Variants in GNS observed in about 807,000 individuals in gnomAD.
GNS encodes glucosamine (N-acetyl)-6-sulfatase, also known as N-acetylglucosamine-6-sulfatase.
GNS carries 40 observed loss-of-function variants against 69.7 expected under a neutral mutation model. That is an observed-to-expected ratio of 0.57 (90% CI 0.45 to 0.75). The LOEUF is 0.75. Among genes scored for constraint, GNS ranks in the 30% least tolerant of loss-of-function variants. The pLI, the probability that GNS is intolerant of heterozygous loss-of-function variation, is 0.00. For missense variants in GNS, 565 were observed against 685.5 expected, an observed-to-expected ratio of 0.82 and a Z score of 1.96; for synonymous variants, 243 against 251.6, an observed-to-expected ratio of 0.97 and a Z score of 0.32.
chr12:64,723,844 C>G (rs1869109724), intron 10 of GNS, among the ~76,000 whole-genome samples: 1 of 152,140 alleles, frequency 6.6e-6, no homozygotes, highest in Admixed American at 6.5e-5. Flanking sequence ...GGTGGAGAGG[C>G]AGGCTGGTAC....
At chr12:64,752,957 A>G in intron 1 of GNS, 200 bp from the exon 2 acceptor site, 1 of 592,440 alleles carries the variant, frequency 1.7e-6, no homozygotes, top group Non-Finnish European at 3.0e-6. Context: ...AAGTGCAGGA[A>G]GTCAAAATGC....
chr12:64,734,504 G>A (rs541953175), intron 9 of GNS, among the ~76,000 whole-genome samples: 3 of 152,204 alleles, frequency 2.0e-5, no homozygotes, highest in African/African-American at 7.2e-5. Context: ...AAGAAGGCGC[G>A]AGATGGGCAT....
chr12:64,744,680 T>C (rs1314179981), intron 5 of GNS, 129 bp downstream of exon 5: 2 of 696,630 alleles, frequency 2.9e-6, no homozygotes, highest in African/African-American at 1.8e-5. Context: ...CTTGGGCAGT[T>C]AGACCAAGTT....
chr12:64,738,499 A>C (rs1446122062), intron 8 of GNS, among the ~76,000 whole-genome samples: 1 of 152,140 alleles, frequency 6.6e-6, no homozygotes, highest in Non-Finnish European at 1.5e-5. Context: ...TTATTTTACT[A>C]TTCTCTACTT....
At chr12:64,739,564 C>CAAA (rs368881275) in intron 7 of GNS, 65 bp from the exon 8 acceptor site, 523 of 300,420 alleles carry the variant, frequency 1.7e-3, no homozygotes, top group South Asian at 3.8e-3. Flanking sequence ...ACTATCTTGC[C>CAAA]AAAAAAAAAA....
intron 2 of GNS, 130 bp from the exon 3 acceptor site, chr12:64,748,048 A>G: frequency 2.9e-6 from 2 of 688,036 alleles, no homozygotes; most frequent in Admixed American, 2.2e-5. Flanking sequence ...TGGAATATAT[A>G]TATTTTTTTC....
intron 6 of GNS, 67 bp from the exon 7 acceptor site, chr12:64,740,755 A>G: frequency 1.2e-6 from 1 of 801,250 alleles, no homozygotes; most frequent in South Asian, 1.3e-5. Flanking sequence ...CTGGATTACT[A>G]CAGTAGATAA....
At chr12:64,752,998 A>AT in intron 1 of GNS, 1 of 561,044 alleles carries the variant, frequency 1.8e-6, no homozygotes, top group African/African-American at 1.9e-5. Flanking sequence ...GTTGATGGCA[A>AT]TAACATCTTT....
intron 3 of GNS, among the ~76,000 whole-genome samples, chr12:64,746,890 G>A (rs975983089): frequency 6.6e-6 from 1 of 152,126 alleles, no homozygotes; most frequent in African/African-American, 2.4e-5. Context: ...AATTATTGGG[G>A]GGAGGGGAGA....
intron 1 of GNS, among the ~76,000 whole-genome samples, chr12:64,758,213 G>A (rs1332788732): frequency 6.7e-6 from 1 of 149,022 alleles, no homozygotes; most frequent in East Asian, 2.0e-4. Flanking sequence ...ACAGTCAGGT[G>A]TTCAATCACA....
rs751200375 is a variant in GNS, at chr12:64,737,038, C to T, written c.1064G>A (p.Arg355Gln). 5.6e-6 allele frequency: 9 copies of T among 1,601,734 alleles called. No individual in the cohort carries two copies. The African/African-American group carries it at 6.7e-5, about 12-fold the overall frequency. Residue 355 changes from arginine to glutamine, a missense_variant, in exon 9 of 14, where the codon CGA becomes CAA. Transcript: ENST00000258145. Reference protein sequence around the residue: ...EFDIKVPLLVRGPGIKPNQTS... With the variant: ...EFDIKVPLLVQGPGIKPNQTS... ...CTGATTTGGTTTGATCCCAGGTCCT[C>T]GAACCAACAGTGGAACTTTGATATC...
At chr12:64,725,860 G>A (rs1869179505) in intron 10 of GNS, among the ~76,000 whole-genome samples, 1 of 151,794 alleles carries the variant, frequency 6.6e-6, no homozygotes, top group African/African-American at 2.4e-5. Context: ...GCCGGGCCTG[G>A]TGGCAGGTGC....
chr12:64,719,440 A>G (rs926326175), intron 13 of GNS, among the ~76,000 whole-genome samples: 1 of 152,222 alleles, frequency 6.6e-6, no homozygotes, highest in African/African-American at 2.4e-5. Context: ...TTACTGCTGA[A>G]AAGTTACTAA....
At chr12:64,741,679 A>C (rs1016536468) in intron 6 of GNS, among the ~76,000 whole-genome samples, 3 of 152,112 alleles carry the variant, frequency 2.0e-5, no homozygotes, top group African/African-American at 7.2e-5. Flanking sequence ...CTTCAAGTCT[A>C]AATCTGGAGG....
intron 1 of GNS, chr12:64,756,897 G>A (rs961214594): frequency 3.4e-6 from 2 of 581,644 alleles, no homozygotes; most frequent in Admixed American, 3.0e-5. Flanking sequence ...GCTCATGCCT[G>A]TAATCCCAGC....
chr12:64,738,370 G>C (rs1291606375), intron 8 of GNS, among the ~76,000 whole-genome samples: 1 of 152,190 alleles, frequency 6.6e-6, no homozygotes, highest in Admixed American at 6.5e-5. Context: ...GAATCCTGGA[G>C]TCATGTGTAT....
chr12:64,745,862 C>T, intron 3 of GNS, 138 bp from the exon 4 acceptor site: 1 of 690,660 alleles, frequency 1.4e-6, no homozygotes, highest in East Asian at 2.7e-5. Flanking sequence ...AGACACTAGT[C>T]AAAAATAAAC....
intron 1 of GNS, among the ~76,000 whole-genome samples, chr12:64,758,396 C>CACTG (rs1491374278): frequency 6.9e-6 from 1 of 145,388 alleles, no homozygotes; most frequent in Non-Finnish European, 1.5e-5. Context: ...GATCTCGGCT[C>CACTG]ACTGCAACTG....
chr12:64,722,514 T>C (rs965605771), intron 11 of GNS, among the ~76,000 whole-genome samples: 4 of 152,232 alleles, frequency 2.6e-5, no homozygotes, highest in Admixed American at 1.3e-4. Flanking sequence ...CTGTAACACT[T>C]TGGTGTTAGA....
Sources: allele counts gnomAD v4.1 joint callset (sites outside exome capture counted in the v4.1 genomes callset), GRCh38; gene constraint gnomAD v4.1.1; transcripts MANE v1.5; gene names NCBI Gene and HGNC (gene_info 2026-07-23, HGNC 2026-07-21).